The following STX2 variants were observed in gnomAD, a reference collection of about 807,000 sequenced individuals.
STX2 encodes syntaxin-2.
In STX2, 27 loss-of-function variants were observed where a neutral mutation model predicts 40.6. The ratio of observed to expected loss-of-function variants is 0.66; its 90% confidence interval spans 0.49 to 0.92. The LOEUF (loss-of-function observed/expected upper bound fraction) is 0.92, where lower values mean the gene tolerates loss of function less well. Ranked by LOEUF, STX2 falls within the 40% of genes least tolerant of loss-of-function variation. The pLI, the probability that STX2 is intolerant of heterozygous loss-of-function variation, is 0.00. For synonymous variants in STX2, 123 were observed against 119.1 expected, an observed-to-expected ratio of 1.03 and a Z score of -0.22; for missense variants, 328 against 366.1, an observed-to-expected ratio of 0.90 and a Z score of 0.85.
At position 130,791,725 on chromosome 12, in the gene STX2, C is replaced by A; in HGVS notation, c.*298G>T. ...CGCATCACACCCACTGTGCTTACGG[C>A]GCTGTCACTGAACAAGACGTTCGGT... On this transcript the variant is annotated 3_prime_UTR_variant, in exon 11 of 11. Coordinates refer to ENST00000392373, the MANE Select transcript of STX2 (RefSeq NM_194356.4). The A allele has an allele frequency of 1.7e-6, 1 of 584,742 alleles. No individual in the cohort carries two copies. The highest frequency in any genetic ancestry group is 3.0e-6 in the Non-Finnish European group (1 of 329,532). The allele number at this position is 584,742 out of a possible 1,614,324, so 36.2% of individuals were successfully genotyped here.
chr12:130,810,156 A>G (rs1951594176), intron 4 of STX2, among the ~76,000 whole-genome samples: 1 of 152,242 alleles, frequency 6.6e-6, no homozygotes, highest in African/African-American at 2.4e-5. Flanking sequence ...ATGCTGGCAT[A>G]ATTATTTTGA....
intron 2 of STX2, among the ~76,000 whole-genome samples, chr12:130,824,050 ACTC>A (rs1251343310): frequency 6.6e-6 from 1 of 152,132 alleles, no homozygotes; most frequent in Non-Finnish European, 1.5e-5. Context: ...GACCCCAGGG[ACTC>A]CTAACCCAAG....
At chr12:130,826,558 C>T (rs1263371090) in intron 2 of STX2, among the ~76,000 whole-genome samples, 2 of 152,154 alleles carry the variant, frequency 1.3e-5, no homozygotes, top group African/African-American at 4.8e-5. Flanking sequence ...TGCATTAGAA[C>T]GATGATTTGC....
chr12:130,804,147 C>T (rs1951337268), intron 6 of STX2, among the ~76,000 whole-genome samples: 1 of 152,174 alleles, frequency 6.6e-6, no homozygotes, highest in Admixed American at 6.5e-5. Flanking sequence ...ATGCCCTGGT[C>T]CAAGAAGAAA....
chr12:130,833,766 C>CT (rs2136363953), intron 1 of STX2, among the ~76,000 whole-genome samples: 1 of 152,316 alleles, frequency 6.6e-6, no homozygotes, highest in South Asian at 2.1e-4. Context: ...GTTTCTGTCC[C>CT]TTTTAACCAA....
At chr12:130,829,249 T>C (rs370482501) in intron 1 of STX2, among the ~76,000 whole-genome samples, 7 of 152,186 alleles carry the variant, frequency 4.6e-5, no homozygotes, top group Non-Finnish European at 8.8e-5. Flanking sequence ...ACTATTACCA[T>C]GTTGACCCTC....
In STX2 at chr12:130,806,974, T is replaced by A. The variant is rs756829321; in HGVS notation, c.463+8A>T. Reference sequence around the variant, plus strand: ...GATTTTAACAAAGACGGAGTCTCCATTACTCACTTATCTCCAGCTGGCGCT... The same window carrying A: ...GATTTTAACAAAGACGGAGTCTCCAATACTCACTTATCTCCAGCTGGCGCT... On this transcript the variant is annotated splice_region_variant and intron_variant, in intron 6 of 10. Coordinates refer to ENST00000392373, the MANE Select transcript of STX2 (RefSeq NM_194356.4). 20 of 1,612,702 alleles carry A rather than the reference T, an allele frequency of 1.2e-5. No homozygotes were observed. The East Asian group carries it at 4.5e-4, about 36-fold the overall frequency.
In STX2 at chr12:130,814,723, G is replaced by A. The variant is rs937279952; in HGVS notation, c.206-1692C>T. Among the ~76,000 whole-genome samples, 8 of 129,258 alleles carry A rather than the reference G, an allele frequency of 6.2e-5. 1 individual carries two copies. Among genetic ancestry groups the A allele is most frequent in the African/African-American group, 8.8e-5 (3 of 34,044 alleles). 84.8% of individuals were successfully genotyped at this position (129,258 alleles called of 152,430 possible). A position where few individuals can be genotyped will look rare whatever the true frequency, so the allele number is the denominator to read the frequency against. ...ACAATCTCGACTCGTTGCAACTTCC[G>A]CCTCCTGGGTTCAAGCGATTCTCCT... On this transcript the variant is annotated intron_variant, in intron 3 of 10. Transcript: ENST00000392373.
At chr12:130,806,415 G>A (rs1487426271) in intron 6 of STX2, among the ~76,000 whole-genome samples, 1 of 152,234 alleles carries the variant, frequency 6.6e-6, no homozygotes, top group African/African-American at 2.4e-5. Flanking sequence ...AGCAGCTGCA[G>A]TGGGACGTCC....
At chr12:130,813,943 G>A (rs115154478) in intron 3 of STX2, among the ~76,000 whole-genome samples, 96 of 152,312 alleles carry the variant, frequency 6.3e-4, no homozygotes, top group African/African-American at 2.1e-3. Context: ...AAAGGCAAAC[G>A]TTTCTGCCGT....
intron 6 of STX2, among the ~76,000 whole-genome samples, chr12:130,806,038 T>A (rs1027494543): frequency 1.3e-5 from 2 of 152,118 alleles, no homozygotes; most frequent in Non-Finnish European, 1.5e-5. Flanking sequence ...GTGTCTCCGA[T>A]GAAACATACA....
chr12:130,794,497 G>A (rs1950969755), intron 10 of STX2, among the ~76,000 whole-genome samples: 1 of 152,144 alleles, frequency 6.6e-6, no homozygotes. Context: ...CTCACATTAA[G>A]ATATCAATCT....
At chr12:130,818,757 G>T (rs1951994564) in intron 3 of STX2, among the ~76,000 whole-genome samples, 1 of 152,206 alleles carries the variant, frequency 6.6e-6, no homozygotes. Context: ...CAGAGAAAAC[G>T]GGAGCGTGCG....
In STX2 at chr12:130,808,640, T is replaced by C. The variant is rs1951531030; in HGVS notation, c.345A>G (p.Arg115=). The C allele has an allele frequency of 1.2e-6, 2 of 1,613,258 alleles. No individual in the cohort carries two copies. Among genetic ancestry groups the C allele is most frequent in the Non-Finnish European group, 8.5e-7 (1 of 1,179,864 alleles). Residue 115 remains arginine, a synonymous_variant, in exon 5 of 11, where the codon CGA becomes CGG. Coordinates refer to ENST00000392373, the MANE Select transcript of STX2 (RefSeq NM_194356.4). ...GNRTSVDLRI[R]RTQHSVLSRK... is the part of the protein sequence containing the mutation. ...GAGGCTGATAGCAAACCTGGGTTCTTCGTATCCGAAGATCCACTGAAGTCC... is the reference window on the plus strand; with the variant it reads ...GAGGCTGATAGCAAACCTGGGTTCTCCGTATCCGAAGATCCACTGAAGTCC...
chr12:130,803,552 A>G (rs917093417), intron 6 of STX2, among the ~76,000 whole-genome samples: 22 of 151,764 alleles, frequency 1.4e-4, no homozygotes, highest in African/African-American at 4.4e-4. Context: ...CTGTGGTCCC[A>G]GCTACTCGAG....
At chr12:130,793,303 T>C (rs1950933176) in intron 10 of STX2, among the ~76,000 whole-genome samples, 2 of 152,114 alleles carry the variant, frequency 1.3e-5, no homozygotes, top group African/African-American at 4.8e-5. Context: ...TCATCCTCTA[T>C]ATGCGCTCCT....
In STX2 at chr12:130,839,234, G is replaced by C. The variant is rs1479739756; in HGVS notation, c.-135C>G. 73 of 760,756 alleles carry C rather than the reference G, an allele frequency of 9.6e-5. No individual in the cohort carries two copies. Among genetic ancestry groups the C allele is most frequent in the Non-Finnish European group, 1.1e-4 (68 of 614,106 alleles). 47.1% of individuals were successfully genotyped at this position (760,756 alleles called of 1,614,324 possible). ...GCCAGCAGCCCTCCCTGGAGCCGGC[G>C]CTGCCACGGCAACCGCGCCCCGCGC... On this transcript the variant is annotated 5_prime_UTR_variant, in exon 1 of 11. Coordinates refer to ENST00000392373, the MANE Select transcript of STX2 (RefSeq NM_194356.4).
chr12:130,795,635 G>T (rs1274791518), intron 10 of STX2, among the ~76,000 whole-genome samples: 1 of 152,216 alleles, frequency 6.6e-6, no homozygotes, highest in Non-Finnish European at 1.5e-5. Context: ...AGCTACTCGG[G>T]AGGCTGAGGT....
chr12:130,833,947 G>C (rs1239122975), intron 1 of STX2, among the ~76,000 whole-genome samples: 1 of 152,218 alleles, frequency 6.6e-6, no homozygotes, highest in Non-Finnish European at 1.5e-5. Flanking sequence ...GTCCTGAAAA[G>C]GCTGAAGCAC....
Sources: allele counts gnomAD v4.1 joint callset (sites outside exome capture counted in the v4.1 genomes callset), GRCh38; gene constraint gnomAD v4.1.1; transcripts MANE v1.5; gene names NCBI Gene and HGNC (gene_info 2026-07-23, HGNC 2026-07-21).